The following GFRA2 variants were observed in gnomAD, a reference collection of about 807,000 sequenced individuals.
The protein encoded by GFRA2 is GDNF family receptor alpha 2.
In GFRA2, 17 loss-of-function variants were observed where a neutral mutation model predicts 48.3. The observed-to-expected ratio is 0.35, with a 90% CI of 0.24 to 0.53. The LOEUF (loss-of-function observed/expected upper bound fraction) is 0.53, where lower values mean the gene tolerates loss of function less well. GFRA2 is among the 20% of genes least tolerant of loss of function. The pLI is 0.93. For missense variants in GFRA2, 660 were observed against 637.3 expected (o/e 1.04, Z -0.38); for synonymous variants, 305 against 257.2 (o/e 1.19, Z -1.78).
At chr8:21,804,105 A>C (rs1487621930) in intron 2 of GFRA2, among the ~76,000 whole-genome samples, 1 of 152,180 alleles carries the variant, frequency 6.6e-6, no homozygotes, top group Non-Finnish European at 1.5e-5. Flanking sequence ...TTGAATGCAG[A>C]AGTCAGTCCC....
At chr8:21,785,787 A>T (rs1807241542) in intron 1 of GFRA2, among the ~76,000 whole-genome samples, 1 of 152,076 alleles carries the variant, frequency 6.6e-6, no homozygotes. Context: ...ACCATGGGTT[A>T]TCCAGCCCAG....
intron 4 of GFRA2, among the ~76,000 whole-genome samples, chr8:21,731,761 A>G (rs1804208211): frequency 6.6e-6 from 1 of 152,222 alleles, no homozygotes; most frequent in African/African-American, 2.4e-5. Flanking sequence ...AGGCAGACAG[A>G]AACTGCAGCA....
At chr8:21,718,731 T>A (rs980679662) in intron 4 of GFRA2, among the ~76,000 whole-genome samples, 11 of 152,174 alleles carry the variant, frequency 7.2e-5, no homozygotes, top group African/African-American at 2.7e-4. Context: ...AATCGAACAG[T>A]TCTCTGACAT....
chr8:21,702,897 G>T lies in GFRA2; in HGVS notation c.1126C>A (p.Pro376Thr). The T allele has an allele frequency of 2.5e-6, 4 of 1,600,776 alleles. No homozygotes were observed. Among genetic ancestry groups the T allele is most frequent in the Non-Finnish European group, 3.4e-6 (4 of 1,174,368 alleles). The change falls in exon 7 of 9, where the codon CCT becomes ACT. Residue 376 changes from proline (P) to threonine (T), a missense_variant. Pro to Thr is a conservative substitution (Grantham distance 38). Coordinates refer to ENST00000524240, the MANE Select transcript of GFRA2 (RefSeq NM_001495.5). ...KGPSFQATQA[P>T]RVEKTPSLPD... is the part of the protein sequence containing the mutation. ...AAAGAAGGCGTCTTCTCCACCCGAG[G>T]GGCCTGGGTGGCCTGGAACGAGGGG... is the stretch of plus-strand genomic sequence containing the variant.
chr8:21,731,167 G>A (rs190346399), intron 4 of GFRA2, among the ~76,000 whole-genome samples: 44 of 152,236 alleles, frequency 2.9e-4, no homozygotes, highest in Non-Finnish European at 5.3e-4. Context: ...GTCACGTGGC[G>A]AGGTAGTGAC....
intron 2 of GFRA2, among the ~76,000 whole-genome samples, chr8:21,795,822 G>T (rs1027308812): frequency 7.2e-5 from 11 of 152,216 alleles, no homozygotes; most frequent in Non-Finnish European, 1.5e-4. Flanking sequence ...TCACAGGCCA[G>T]AAATCAGGCA....
rs375462334 is a variant in GFRA2, at chr8:21,757,966, G to A, written c.440-7024C>T. On this transcript the variant is annotated intron_variant, in intron 3 of 8. Coordinates refer to ENST00000524240, the MANE Select transcript of GFRA2 (RefSeq NM_001495.5). ...ATAAAGATAAAAATACATATTCGTCGGCCCCATCTCCCATTCTAGCAGTGG... is the reference window on the plus strand; with the variant it reads ...ATAAAGATAAAAATACATATTCGTCAGCCCCATCTCCCATTCTAGCAGTGG... 1.1e-4 allele frequency among the ~76,000 whole-genome samples: 17 copies of A among 151,908 alleles called. No individual in the cohort carries two copies. In the East Asian group the frequency reaches 1.9e-3, roughly 17 times the overall value.
At chr8:21,811,172 C>T (rs894146301) in intron 1 of GFRA2, among the ~76,000 whole-genome samples, 29 of 152,302 alleles carry the variant, frequency 1.9e-4, no homozygotes, top group African/African-American at 7.0e-4. Flanking sequence ...CTTTAGGGCC[C>T]CTGTGGAGGC....
chr8:21,769,440 A>G (rs948743678), intron 3 of GFRA2, among the ~76,000 whole-genome samples: 3 of 152,182 alleles, frequency 2.0e-5, no homozygotes, highest in Non-Finnish European at 4.4e-5. Flanking sequence ...ACCAGCACCT[A>G]GGGTGCTCCT....
intron 4 of GFRA2, among the ~76,000 whole-genome samples, chr8:21,714,448 C>T (rs113513270): frequency 0.03 from 4,591 of 151,650 alleles, 210 homozygotes; most frequent in African/African-American, 0.1. Flanking sequence ...GATAGGGTTT[C>T]GCCATGTTGC....
Position 21,758,299 on chromosome 8 carries a change from G to A in GFRA2, c.440-7357C>T, listed in dbSNP as rs183236815. On this transcript the variant is annotated intron_variant, in intron 3 of 8. Coordinates refer to ENST00000524240, the MANE Select transcript of GFRA2 (RefSeq NM_001495.5). ...GTCTGTGGCCAGCTACTGTCACCTA[G>A]GCACGCCCTTCAACTGTTTCATCCC... Among the ~76,000 whole-genome samples, 5 of 152,144 alleles carry A rather than the reference G, an allele frequency of 3.3e-5. No homozygotes were observed. In the East Asian group the frequency reaches 5.8e-4, roughly 18 times the overall value.
intron 4 of GFRA2, among the ~76,000 whole-genome samples, chr8:21,727,135 C>G (rs749821563): frequency 6.6e-6 from 1 of 152,324 alleles, no homozygotes; most frequent in East Asian, 1.9e-4. Flanking sequence ...ACCCACTACA[C>G]TCATCATTCC....
chr8:21,759,242 T>C (rs867125292), intron 3 of GFRA2, among the ~76,000 whole-genome samples: 1 of 151,494 alleles, frequency 6.6e-6, no homozygotes, highest in Non-Finnish European at 1.5e-5. Context: ...AAAAATGAGT[T>C]GGGAGTGGTG....
intron 2 of GFRA2, among the ~76,000 whole-genome samples, chr8:21,798,376 GAGGGA>G (rs1164375230): frequency 4.6e-5 from 7 of 152,152 alleles, no homozygotes; most frequent in African/African-American, 1.7e-4. Flanking sequence ...GCAAGAGAGG[GAGGGA>G]AAGAGGGAGG....
At chr8:21,761,717 A>T (rs1395041593) in intron 3 of GFRA2, among the ~76,000 whole-genome samples, 1 of 152,136 alleles carries the variant, frequency 6.6e-6, no homozygotes. Context: ...TGGGAGGCCA[A>T]GGTGGGTGGA....
rs1802728526 is a variant in GFRA2 at position 21,706,050 on chromosome 8, G to A, written c.795-9C>T. ...AGTCGGCCAGCCGGGACCTGGTGGTGGGTAGAAGACGCAATAGAGAAAACA... is the reference window on the plus strand; with the variant it reads ...AGTCGGCCAGCCGGGACCTGGTGGTAGGTAGAAGACGCAATAGAGAAAACA... On this transcript the variant is annotated splice_polypyrimidine_tract_variant and intron_variant, in intron 4 of 8. Transcript: ENST00000524240. 13 of 1,542,106 alleles carry A rather than the reference G, an allele frequency of 8.4e-6. No individual in the cohort carries two copies. The highest frequency in any genetic ancestry group is 1.2e-5 in the South Asian group (1 of 84,092).
At chr8:21,789,620 C>G (rs927689213), upstream of GFRA2, among the ~76,000 whole-genome samples, 1 of 151,942 alleles carries the variant, frequency 6.6e-6, no homozygotes, top group Admixed American at 6.6e-5. Flanking sequence ...CGCGCGCCCC[C>G]GAACCCAACG....
rs184583521 is a variant in GFRA2, at chr8:21,809,989, C to T, written c.-148+2242G>A. Among the ~76,000 whole-genome samples, 522 of 152,284 alleles carry T rather than the reference C, an allele frequency of 3.4e-3. 5 individuals carry two copies. The highest frequency in any genetic ancestry group is 0.012 in the African/African-American group (495 of 41,550). On this transcript the variant is annotated intron_variant, in intron 1 of 10. Transcript: ENST00000517328. ...GCTTCTCCTACAGTCCTGGGCAGAA[C>T]TGGAACACATATTTTACCCTCCTAG...
chr8:21,768,493 TAAAGC>T (rs1806286591), intron 3 of GFRA2, among the ~76,000 whole-genome samples: 1 of 152,050 alleles, frequency 6.6e-6, no homozygotes, highest in African/African-American at 2.4e-5. Context: ...GCTGAAACAT[TAAAGC>T]CTCACCGTCT....
Sources: gnomAD v4.1 joint callset for allele counts (sites outside exome capture counted in the v4.1 genomes callset) on GRCh38, gnomAD v4.1.1 for gene constraint, MANE v1.5 for transcripts, NCBI Gene and HGNC (gene_info 2026-07-23, HGNC 2026-07-21) for gene names.